The following BMP2K variants were observed in gnomAD, a reference collection of about 807,000 sequenced individuals.
The protein encoded by BMP2K is BMP2 inducible kinase.
A neutral mutation model predicts 116.0 loss-of-function variants in BMP2K; 74 were observed. The observed-to-expected ratio is 0.64, with a 90% CI of 0.53 to 0.77. The LOEUF is 0.77. Among genes scored for constraint, BMP2K ranks in the 30% least tolerant of loss-of-function variants. The probability of loss-of-function intolerance (pLI) is 0.00; values close to 1 mark genes in which losing one functional copy is unlikely to be tolerated. For missense variants in BMP2K, 1,365 were observed against 1,403.6 expected, an observed-to-expected ratio of 0.97 and a Z score of 0.44; for synonymous variants, 486 against 502.5, an observed-to-expected ratio of 0.97 and a Z score of 0.44.
intron 13 of BMP2K, 108 bp from the exon 14 acceptor site, chr4:78,878,626 G>T (rs1038849217): frequency 3.3e-6 from 3 of 916,148 alleles, no homozygotes; most frequent in African/African-American, 3.5e-5. Flanking sequence ...ATAAGGAAAT[G>T]ATTTGGTTTT....
intron 1 of BMP2K, among the ~76,000 whole-genome samples, chr4:78,778,879 G>T (rs1727368463): frequency 6.6e-6 from 1 of 152,228 alleles, no homozygotes; most frequent in South Asian, 2.1e-4. Flanking sequence ...ATACCACTGA[G>T]TAGGCAAAGC....
chr4:78,849,473 C>G (rs1731152430), intron 6 of BMP2K, among the ~76,000 whole-genome samples: 1 of 151,602 alleles, frequency 6.6e-6, no homozygotes, highest in Admixed American at 6.6e-5. Flanking sequence ...TACTCTAACA[C>G]AAGACAAATT....
At chr4:78,816,281 G>A (rs1235772512) in intron 1 of BMP2K, among the ~76,000 whole-genome samples, 1 of 152,082 alleles carries the variant, frequency 6.6e-6, no homozygotes. Flanking sequence ...ATGTCAGGTT[G>A]TCCCAGTGAT....
chr4:78,880,612 A>G (rs1732847979), intron 14 of BMP2K, among the ~76,000 whole-genome samples: 1 of 152,232 alleles, frequency 6.6e-6, no homozygotes, highest in African/African-American at 2.4e-5. Context: ...TTGTAATGAC[A>G]TCAAAGTAGT....
chr4:78,875,515 TTATGA>T (rs1220576285), intron 13 of BMP2K, among the ~76,000 whole-genome samples: 3 of 152,368 alleles, frequency 2.0e-5, no homozygotes, highest in African/African-American at 4.8e-5. Flanking sequence ...CGTTATCTTC[TTATGA>T]TATAATTGCC....
chr4:78,796,039 G>C (rs533571233), intron 1 of BMP2K, among the ~76,000 whole-genome samples: 1 of 151,908 alleles, frequency 6.6e-6, no homozygotes, highest in South Asian at 2.1e-4. Context: ...TCCCATTACT[G>C]GGTATATACC....
intron 1 of BMP2K, among the ~76,000 whole-genome samples, chr4:78,808,377 C>T (rs1728924828): frequency 1.3e-5 from 2 of 151,580 alleles, no homozygotes; most frequent in Admixed American, 6.6e-5. Flanking sequence ...ACCATTCTCC[C>T]GCCTCACCCT....
At chr4:78,789,673 G>T (rs1727905839) in intron 1 of BMP2K, among the ~76,000 whole-genome samples, 1 of 152,170 alleles carries the variant, frequency 6.6e-6, no homozygotes, top group Non-Finnish European at 1.5e-5. Flanking sequence ...AAGATGTCAC[G>T]ATTAATTTTA....
chr4:78,783,525 G>A (rs1727601431), intron 1 of BMP2K, among the ~76,000 whole-genome samples: 1 of 152,158 alleles, frequency 6.6e-6, no homozygotes, highest in Admixed American at 6.5e-5. Flanking sequence ...AATTGTACAG[G>A]ATGGGCATGG....
intron 7 of BMP2K, among the ~76,000 whole-genome samples, chr4:78,857,849 A>G (rs1731577477): frequency 6.6e-6 from 1 of 152,032 alleles, no homozygotes; most frequent in Non-Finnish European, 1.5e-5. Context: ...ACTGTGATTC[A>G]TGTAATGGAT....
intron 15 of BMP2K, among the ~76,000 whole-genome samples, chr4:78,907,428 C>T (rs1734341441): frequency 6.6e-6 from 1 of 152,136 alleles, no homozygotes; most frequent in African/African-American, 2.4e-5. Context: ...AAATTCACTT[C>T]CAAGTGACAC....
intron 14 of BMP2K, chr4:78,880,005 G>A (rs1035684721): frequency 2.0e-5 from 3 of 151,942 alleles, no homozygotes; most frequent in Middle Eastern, 3.2e-3. Flanking sequence ...TTTAAACCAC[G>A]GCTTTTTTTG....
intron 1 of BMP2K, among the ~76,000 whole-genome samples, chr4:78,822,943 A>G (rs186103802): frequency 1.3e-5 from 2 of 152,312 alleles, no homozygotes; most frequent in East Asian, 3.9e-4. Context: ...TGTCCTAACT[A>G]GTTACCTCCC....
intron 15 of BMP2K, chr4:78,888,002 A>C (rs1283692212): frequency 1.3e-5 from 2 of 152,252 alleles, no homozygotes; most frequent in East Asian, 3.8e-4. Context: ...TCACTCAGGC[A>C]AGTTACATAT....
intron 3 of BMP2K, among the ~76,000 whole-genome samples, chr4:78,838,026 A>G (rs1730575708): frequency 6.6e-6 from 1 of 152,190 alleles, no homozygotes; most frequent in Admixed American, 6.5e-5. Context: ...AGACAGGGCA[A>G]TTTACAAAAG....
intron 1 of BMP2K, among the ~76,000 whole-genome samples, chr4:78,795,807 C>T (rs1386761346): frequency 6.6e-6 from 1 of 152,138 alleles, no homozygotes; most frequent in Admixed American, 6.5e-5. Context: ...ATCTCACTGG[C>T]CATCAGAGAA....
rs116540247 is a variant in BMP2K, at chr4:78,782,344, G to A, written c.178+5623G>A. Reference sequence around the variant, plus strand: ...CCTCTGTCATCTCCACTACCAGATAGTAAAATTCTTAAGGCTAGACAGACT... The same window carrying A: ...CCTCTGTCATCTCCACTACCAGATAATAAAATTCTTAAGGCTAGACAGACT... On this transcript the variant is annotated intron_variant, in intron 1 of 15. Transcript: ENST00000502613. Among the ~76,000 whole-genome samples the A allele has an allele frequency of 6.2e-3, 948 of 152,322 alleles. 13 individuals are homozygous for A. Among genetic ancestry groups the A allele is most frequent in the African/African-American group, 0.022 (902 of 41,574 alleles).
chr4:78,832,541 G>A (rs927146447), intron 2 of BMP2K, among the ~76,000 whole-genome samples: 2 of 152,132 alleles, frequency 1.3e-5, no homozygotes, highest in African/African-American at 4.8e-5. Flanking sequence ...AGTTAAGGCT[G>A]TTAGCTAGAA....
At chr4:78,777,768 C>G in intron 1 of BMP2K, among the ~76,000 whole-genome samples, 1 of 152,104 alleles carries the variant, frequency 6.6e-6, no homozygotes, top group East Asian at 1.9e-4. Flanking sequence ...TGAGATTCCG[C>G]TTGTATTTTT....
Sources: allele counts gnomAD v4.1 joint callset (sites outside exome capture counted in the v4.1 genomes callset), GRCh38; gene constraint gnomAD v4.1.1; transcripts MANE v1.5; gene names NCBI Gene and HGNC (gene_info 2026-07-23, HGNC 2026-07-21).